The following PITPNA variants were observed in gnomAD, a reference collection of about 807,000 sequenced individuals.
The protein encoded by PITPNA is phosphatidylinositol transfer protein alpha isoform.
A neutral mutation model predicts 50.3 loss-of-function variants in PITPNA; 13 were observed. The observed-to-expected ratio is 0.26, with a 90% CI of 0.17 to 0.41. The LOEUF (loss-of-function observed/expected upper bound fraction) is 0.41, where lower values mean the gene tolerates loss of function less well. Among genes scored for constraint, PITPNA ranks in the 10% least tolerant of loss-of-function variants. PITPNA has a pLI of 1.00. For synonymous variants in PITPNA, 120 were observed against 119.6 expected, an observed-to-expected ratio of 1.00 and a Z score of -0.02; for missense variants, 207 against 333.4, an observed-to-expected ratio of 0.62 and a Z score of 2.95.
chr17:1,558,593 G>A, intron 1 of PITPNA, 34 bp from the exon 2 acceptor site: 1 of 1,544,592 alleles, frequency 6.5e-7, no homozygotes, highest in Non-Finnish European at 8.9e-7. Context: ...ATCAACTTTA[G>A]GCTGTGCAAT....
At chr17:1,555,193 C>T (rs73297001) in intron 2 of PITPNA, among the ~76,000 whole-genome samples, 1 of 152,194 alleles carries the variant, frequency 6.6e-6, no homozygotes, top group East Asian at 1.9e-4. Flanking sequence ...AGAGACTAAT[C>T]GCCTTCATTT....
intron 10 of PITPNA, among the ~76,000 whole-genome samples, chr17:1,530,921 C>T (rs1272062090): frequency 2.0e-5 from 3 of 152,124 alleles, no homozygotes; most frequent in Non-Finnish European, 4.4e-5. Context: ...CACCAGGTCC[C>T]GCTGCAGATG....
At chr17:1,560,649 G>C (rs2075763567) in intron 1 of PITPNA, among the ~76,000 whole-genome samples, 1 of 152,142 alleles carries the variant, frequency 6.6e-6, no homozygotes, top group South Asian at 2.1e-4. Context: ...ACAGATTCTA[G>C]GGTTCATTTG....
At position 1,535,463 on chromosome 17, in the gene PITPNA, C is replaced by T; in HGVS notation, c.512G>A (p.Gly171Glu). ...TACCTTCCAATTGGGGCCCAAGGGT[C>T]CTCGGCCTGTTTTGATAGATTTAAA... is the stretch of plus-strand genomic sequence containing the variant. Reference protein sequence around the residue: ...AKFKSIKTGRGPLGPNWKQEL... With the variant: ...AKFKSIKTGREPLGPNWKQEL... Residue 171 changes from glycine (G) to glutamate (E), a missense_variant, in exon 8 of 12, where the codon GGA becomes GAA. By Grantham distance (98) the Gly-to-Glu change is moderately conservative. Coordinates refer to ENST00000313486, the MANE Select transcript of PITPNA (RefSeq NM_006224.4). 1 of 1,613,544 alleles carries T rather than the reference C, an allele frequency of 6.2e-7. No homozygotes were observed. The highest frequency in any genetic ancestry group is 8.5e-7 in the Non-Finnish European group (1 of 1,179,520).
chr17:1,521,567 T>C lies in PITPNA; in HGVS notation c.*22+12A>G. 2 of 1,587,792 alleles carry C rather than the reference T, an allele frequency of 1.3e-6. No individual in the cohort carries two copies. The highest frequency in any genetic ancestry group is 1.7e-6 in the Non-Finnish European group (2 of 1,156,016). ...CGTCTGTGACACGCACAGTGAGAAA[T>C]TTGGTACGTACAGTGCAGAGGGGAA... On this transcript the variant is annotated intron_variant, in intron 11 of 11. Coordinates refer to ENST00000313486, the MANE Select transcript of PITPNA (RefSeq NM_006224.4).
At chr17:1,523,966 T>C (rs1016021826) in intron 10 of PITPNA, among the ~76,000 whole-genome samples, 1 of 151,644 alleles carries the variant, frequency 6.6e-6, no homozygotes, top group Non-Finnish European at 1.5e-5. Context: ...GCCTGGATTG[T>C]ATTCTGACTC....
rs376091297 is a variant in PITPNA, at chr17:1,552,985, C to T, written c.197+19G>A. 4.8e-5 allele frequency: 78 copies of T among 1,612,850 alleles called. No individual in the cohort carries two copies. The highest frequency in any genetic ancestry group is 2.4e-4 in the African/African-American group (18 of 75,026). On this transcript the variant is annotated intron_variant, in intron 3 of 11. Coordinates refer to ENST00000313486, the MANE Select transcript of PITPNA (RefSeq NM_006224.4). The stretch of plus-strand genomic sequence containing the variant: ...ACACACAAAAGCCAGCATCCGGCCC[C>T]GCTGCTCATGCCGCATACCTCTGCA...
chr17:1,525,614 G>A lies in PITPNA; in HGVS notation c.769-3969C>T, dbSNP rs537278694. 3.3e-5 allele frequency among the ~76,000 whole-genome samples: 5 copies of A among 150,488 alleles called. No homozygotes were observed. In the East Asian group the frequency reaches 1.0e-3, roughly 30 times the overall value. ...GCTCACTGCACCCTCCACCTCCCGG[G>A]TTCAGGCGATTCTCCTGCCTCAAAC... On this transcript the variant is annotated intron_variant, in intron 10 of 11. Transcript: ENST00000313486.
chr17:1,523,081 A>C (rs2075524772), intron 10 of PITPNA, among the ~76,000 whole-genome samples: 1 of 152,192 alleles, frequency 6.6e-6, no homozygotes, highest in South Asian at 2.1e-4. Flanking sequence ...CAGATGTGCA[A>C]GGCTGCTGGA....
chr17:1,526,670 A>G (rs2075550147), intron 10 of PITPNA, among the ~76,000 whole-genome samples: 1 of 152,210 alleles, frequency 6.6e-6, no homozygotes, highest in Non-Finnish European at 1.5e-5. Flanking sequence ...ACCGCTTGAA[A>G]TAAGATGCAA....
intron 3 of PITPNA, among the ~76,000 whole-genome samples, chr17:1,549,477 C>T (rs973765884): frequency 3.3e-5 from 5 of 151,016 alleles, no homozygotes; most frequent in African/African-American, 1.2e-4. Context: ...CCACCACGCC[C>T]GGCTAATTTT....
intron 10 of PITPNA, among the ~76,000 whole-genome samples, chr17:1,527,467 C>T (rs2075554308): frequency 6.6e-6 from 1 of 152,058 alleles, no homozygotes; most frequent in African/African-American, 2.4e-5. Flanking sequence ...GTCTCAAACT[C>T]CCAAGCTCAG....
intron 2 of PITPNA, among the ~76,000 whole-genome samples, chr17:1,554,441 G>A (rs755239450): frequency 3.8e-5 from 5 of 133,024 alleles, no homozygotes; most frequent in Non-Finnish European, 6.2e-5. Context: ...ACAGTGGTGC[G>A]ATCTCAGGTC....
At chr17:1,560,992 G>A (rs916774583) in intron 1 of PITPNA, among the ~76,000 whole-genome samples, 1 of 152,172 alleles carries the variant, frequency 6.6e-6, no homozygotes, top group Non-Finnish European at 1.5e-5. Context: ...TGCGATCGCT[G>A]ACAAAGTGGC....
At chr17:1,542,002 C>G (rs992565206) in intron 5 of PITPNA, among the ~76,000 whole-genome samples, 9 of 152,034 alleles carry the variant, frequency 5.9e-5, no homozygotes, top group African/African-American at 2.2e-4. Flanking sequence ...AAGATCGAGA[C>G]CAGTCTGGCC....
chr17:1,547,942 C>A (rs1332023657), intron 4 of PITPNA, among the ~76,000 whole-genome samples: 1 of 151,998 alleles, frequency 6.6e-6, no homozygotes. Context: ...TGCAGTGAGC[C>A]GAGATCACGC....
chr17:1,545,020 A>C (rs1392829999), intron 4 of PITPNA, among the ~76,000 whole-genome samples: 2 of 151,144 alleles, frequency 1.3e-5, no homozygotes, highest in Non-Finnish European at 2.9e-5. Context: ...AAAATAAATA[A>C]ATAAAAGCAT....
chr17:1,560,271 A>C (rs539695666), intron 1 of PITPNA, among the ~76,000 whole-genome samples: 3 of 152,188 alleles, frequency 2.0e-5, no homozygotes, highest in Non-Finnish European at 4.4e-5. Flanking sequence ...ACAATTCCAA[A>C]GGACAGGGCC....
intron 6 of PITPNA, 36 bp downstream of exon 6, chr17:1,541,530 A>T (rs1311760076): frequency 6.1e-6 from 9 of 1,466,834 alleles, no homozygotes; most frequent in African/African-American, 1.4e-5. Flanking sequence ...GAGACTCAAG[A>T]CCTCACCCCT....
Sources: gnomAD v4.1 joint callset for allele counts (sites outside exome capture counted in the v4.1 genomes callset) on GRCh38, gnomAD v4.1.1 for gene constraint, MANE v1.5 for transcripts, NCBI Gene and HGNC (gene_info 2026-07-23, HGNC 2026-07-21) for gene names.